Variants in OXR1 observed in about 807,000 individuals in gnomAD.
OXR1 encodes the protein oxidation resistance protein 1.
OXR1 carries 41 observed loss-of-function variants against 104.6 expected under a neutral mutation model. That is an observed-to-expected ratio of 0.39 (90% confidence interval 0.31 to 0.51). The LOEUF is 0.51. Among genes scored for constraint, OXR1 ranks in the 20% least tolerant of loss-of-function variants. OXR1 has a pLI of 0.77. For missense variants in OXR1, 955 were observed against 1,031.9 expected (o/e 0.93, Z 1.02); for synonymous variants, 348 against 348.4 (o/e 1.00, Z 0.01).
chr8:106,468,485 T>C (rs934504373), intron 2 of OXR1, among the ~76,000 whole-genome samples: 1 of 151,836 alleles, frequency 6.6e-6, no homozygotes, highest in African/African-American at 2.4e-5. Flanking sequence ...AGTCAAAGAC[T>C]GTAAAGCAGA....
At chr8:106,577,383 T>TA (rs1366942257) in intron 3 of OXR1, among the ~76,000 whole-genome samples, 2 of 125,832 alleles carry the variant, frequency 1.6e-5, no homozygotes, top group African/African-American at 6.3e-5. Context: ...GCTAACTTTT[T>TA]TTTTTTTTTT....
chr8:106,661,514 A>T (rs1001028693), intron 3 of OXR1, among the ~76,000 whole-genome samples: 4 of 152,344 alleles, frequency 2.6e-5, no homozygotes, highest in Non-Finnish European at 5.9e-5. Context: ...AACTTTAAAT[A>T]TAGCTCTTGT....
At chr8:106,688,112 G>T (rs759889706) in intron 6 of OXR1, among the ~76,000 whole-genome samples, 1 of 151,934 alleles carries the variant, frequency 6.6e-6, no homozygotes, top group Admixed American at 6.6e-5. Flanking sequence ...TACACCTTTG[G>T]TTTTTCTCCT....
chr8:106,349,677 C>G (rs914287800), intron 1 of OXR1, among the ~76,000 whole-genome samples: 11 of 151,978 alleles, frequency 7.2e-5, no homozygotes, highest in African/African-American at 2.7e-4. Flanking sequence ...GGTGATGGAT[C>G]CATGAAGAAC....
At chr8:106,385,426 G>A (rs974831638) in intron 2 of OXR1, among the ~76,000 whole-genome samples, 2 of 152,096 alleles carry the variant, frequency 1.3e-5, no homozygotes, top group African/African-American at 4.8e-5. Flanking sequence ...TCTTAGTTGA[G>A]CTTACGTAAA....
intron 1 of OXR1, among the ~76,000 whole-genome samples, chr8:106,289,286 G>T (rs955084036): frequency 7.2e-5 from 11 of 152,262 alleles, no homozygotes; most frequent in African/African-American, 2.6e-4. Flanking sequence ...CCAAAATACT[G>T]CTAGAACTGA....
chr8:106,618,131 T>C (rs1361503513), intron 3 of OXR1: 1 of 1,536,066 alleles, frequency 6.5e-7, no homozygotes, highest in Non-Finnish European at 8.7e-7. Flanking sequence ...AGCTCACTGC[T>C]AGCTGAGCAA....
chr8:106,490,861 G>T (rs72680913), intron 2 of OXR1, among the ~76,000 whole-genome samples: 536 of 152,192 alleles, frequency 3.5e-3, no homozygotes, highest in Non-Finnish European at 6.5e-3. Context: ...CGTGTGTGGA[G>T]GGGGGAGCTG....
chr8:106,545,484 A>T (rs867565238), intron 3 of OXR1, among the ~76,000 whole-genome samples: 4 of 152,228 alleles, frequency 2.6e-5, no homozygotes, highest in Non-Finnish European at 5.9e-5. Flanking sequence ...TGTGGATATT[A>T]TAAAGGAGAA....
At chr8:106,636,987 G>C (rs1823196061) in intron 3 of OXR1, among the ~76,000 whole-genome samples, 1 of 152,154 alleles carries the variant, frequency 6.6e-6, no homozygotes, top group Admixed American at 6.5e-5. Context: ...AGCAGCTCCT[G>C]CATAAAATTT....
chr8:106,692,914 G>A, intron 7 of OXR1, 37 bp downstream of exon 7: 1 of 1,438,776 alleles, frequency 7.0e-7, no homozygotes, highest in Non-Finnish European at 9.5e-7. Context: ...CTTTAATCAT[G>A]CTTTAGTTAT....
chr8:106,526,645 C>T (rs111374516), intron 3 of OXR1, among the ~76,000 whole-genome samples: 2 of 152,272 alleles, frequency 1.3e-5, no homozygotes, highest in South Asian at 2.1e-4. Context: ...CGGGTTCACG[C>T]CATTCTCCTG....
intron 2 of OXR1, among the ~76,000 whole-genome samples, chr8:106,489,221 TG>T (rs1351169842): frequency 1.3e-5 from 2 of 151,444 alleles, no homozygotes; most frequent in Admixed American, 1.3e-4. Flanking sequence ...TTTGGCTCTC[TG>T]TTTGTCTGTT....
chr8:106,665,759 A>G (rs1826240376), intron 3 of OXR1, among the ~76,000 whole-genome samples: 1 of 152,186 alleles, frequency 6.6e-6, no homozygotes, highest in South Asian at 2.1e-4. Context: ...AGGTGATACT[A>G]GTACAAAAAG....
chr8:106,358,293 A>G (rs1816068698), intron 1 of OXR1, among the ~76,000 whole-genome samples: 3 of 152,186 alleles, frequency 2.0e-5, no homozygotes, highest in Non-Finnish European at 4.4e-5. Flanking sequence ...GTATGAAAGA[A>G]AAATAAACTT....
At chr8:106,336,593 C>T (rs185365284) in intron 1 of OXR1, among the ~76,000 whole-genome samples, 65 of 152,272 alleles carry the variant, frequency 4.3e-4, no homozygotes, top group African/African-American at 1.3e-3. Flanking sequence ...TTATGTTACC[C>T]GTCTTTAACT....
At chr8:106,360,579 T>C (rs1253405017) in intron 2 of OXR1, among the ~76,000 whole-genome samples, 2 of 152,014 alleles carry the variant, frequency 1.3e-5, no homozygotes, top group Non-Finnish European at 2.9e-5. Context: ...CCACTGTTCA[T>C]GGACTCCCTA....
intron 3 of OXR1, among the ~76,000 whole-genome samples, chr8:106,539,856 A>G (rs1489927379): frequency 6.6e-6 from 1 of 152,212 alleles, no homozygotes; most frequent in East Asian, 1.9e-4. Context: ...ATTCATTCAT[A>G]TCTTTGACTC....
chr8:106,632,129 C>A (rs564141371), intron 3 of OXR1, among the ~76,000 whole-genome samples: 14 of 152,164 alleles, frequency 9.2e-5, no homozygotes, highest in Non-Finnish European at 1.9e-4. Flanking sequence ...AAGAAAGATA[C>A]AACATGATCC....
Sources: gnomAD v4.1 joint callset for allele counts (sites outside exome capture counted in the v4.1 genomes callset) on GRCh38, gnomAD v4.1.1 for gene constraint, MANE v1.5 for transcripts, NCBI Gene and HGNC (gene_info 2026-07-23, HGNC 2026-07-21) for gene names.